Variants in MMP16 observed in about 807,000 individuals in gnomAD.
The protein encoded by MMP16 is matrix metalloproteinase-16.
MMP16 carries 12 observed loss-of-function variants against 67.8 expected under a neutral mutation model. The ratio of observed to expected loss-of-function variants is 0.18; its 90% CI spans 0.11 to 0.29. MMP16 has a LOEUF of 0.29. Among genes scored for constraint, MMP16 ranks in the 10% least tolerant of loss-of-function variants. The probability of loss-of-function intolerance (pLI) is 1.00; values close to 1 mark genes in which losing one functional copy is unlikely to be tolerated. For missense variants in MMP16, 475 were observed against 765.7 expected (o/e 0.62, Z 4.48); for synonymous variants, 249 against 255.9 (o/e 0.97, Z 0.26).
chr8:88,166,026 T>C (rs1463779904), intron 4 of MMP16, among the ~76,000 whole-genome samples: 1 of 152,118 alleles, frequency 6.6e-6, no homozygotes, highest in African/African-American at 2.4e-5. Flanking sequence ...TTGGAAAACA[T>C]GAACAGTTAT....
intron 1 of MMP16, among the ~76,000 whole-genome samples, chr8:88,308,392 G>A (rs765841250): frequency 2.0e-5 from 3 of 152,018 alleles, no homozygotes; most frequent in Non-Finnish European, 4.4e-5. Flanking sequence ...CTTGTCAGTG[G>A]TTTCAGGATC....
intron 1 of MMP16, among the ~76,000 whole-genome samples, chr8:88,321,671 G>A (rs529800826): frequency 6.6e-6 from 1 of 152,200 alleles, no homozygotes; most frequent in Non-Finnish European, 1.5e-5. Flanking sequence ...TTGTGATTCA[G>A]TAGTTACCAA....
chr8:88,084,760 TA>T (rs965775445), intron 6 of MMP16, among the ~76,000 whole-genome samples: 7 of 152,032 alleles, frequency 4.6e-5, no homozygotes, highest in South Asian at 2.1e-4. Flanking sequence ...AGTAAAAAGT[TA>T]AAAAAATACT....
intron 1 of MMP16, among the ~76,000 whole-genome samples, chr8:88,264,015 TTCCC>T (rs1810432871): frequency 7.3e-6 from 1 of 136,758 alleles, no homozygotes; most frequent in Non-Finnish European, 1.6e-5. Flanking sequence ...TGTGTGCAAC[TTCCC>T]TACAAAAATG....
intron 4 of MMP16, among the ~76,000 whole-genome samples, chr8:88,149,315 G>C (rs1172453125): frequency 2.0e-5 from 3 of 152,222 alleles, no homozygotes; most frequent in East Asian, 1.9e-4. Flanking sequence ...GGCTTGCTTA[G>C]GTAAACAAAG....
At chr8:88,273,748 C>A (rs1027247842) in intron 1 of MMP16, among the ~76,000 whole-genome samples, 2 of 152,060 alleles carry the variant, frequency 1.3e-5, no homozygotes, top group Non-Finnish European at 2.9e-5. Context: ...TATTAATAGG[C>A]ATCTTCAAAT....
chr8:88,192,543 T>C (rs890070562), intron 2 of MMP16, among the ~76,000 whole-genome samples: 1 of 152,138 alleles, frequency 6.6e-6, no homozygotes, highest in African/African-American at 2.4e-5. Context: ...TCCTATAATG[T>C]GATAGCGTTT....
At chr8:88,205,930 C>T (rs1809418684) in intron 1 of MMP16, among the ~76,000 whole-genome samples, 1 of 151,802 alleles carries the variant, frequency 6.6e-6, no homozygotes, top group Admixed American at 6.6e-5. Flanking sequence ...TTTCTTTTAC[C>T]TCATCATCGA....
intron 1 of MMP16, among the ~76,000 whole-genome samples, chr8:88,261,034 C>A (rs942358105): frequency 1.3e-5 from 2 of 152,144 alleles, no homozygotes; most frequent in Non-Finnish European, 1.5e-5. Context: ...TTTCAGGCAG[C>A]CTGCCAAAAG....
At chr8:88,141,281 G>C (rs1808206788) in intron 4 of MMP16, among the ~76,000 whole-genome samples, 1 of 152,166 alleles carries the variant, frequency 6.6e-6, no homozygotes, top group Admixed American at 6.5e-5. Context: ...GCAGAAAATA[G>C]CTAGTGAAAA....
chr8:88,119,643 G>A (rs1050596437), intron 4 of MMP16, among the ~76,000 whole-genome samples: 1 of 151,970 alleles, frequency 6.6e-6, no homozygotes, highest in African/African-American at 2.4e-5. Context: ...AATCAACCCC[G>A]TTGATGACTT....
chr8:88,243,562 G>A (rs2129906429), intron 1 of MMP16, among the ~76,000 whole-genome samples: 1 of 152,298 alleles, frequency 6.6e-6, no homozygotes, highest in African/African-American at 2.4e-5. Context: ...AGTAGACTCT[G>A]GAGGAAGGCA....
chr8:88,143,189 A>G (rs1324570839), intron 4 of MMP16, among the ~76,000 whole-genome samples: 2 of 152,106 alleles, frequency 1.3e-5, no homozygotes, highest in East Asian at 3.8e-4. Context: ...GGGTGGTGGT[A>G]CTCAGAGTGG....
intron 7 of MMP16, among the ~76,000 whole-genome samples, chr8:88,072,940 G>A (rs2092681255): frequency 6.6e-6 from 1 of 152,156 alleles, no homozygotes; most frequent in Non-Finnish European, 1.5e-5. Flanking sequence ...TGCCACAAGA[G>A]AGTGAGGAGC....
intron 4 of MMP16, among the ~76,000 whole-genome samples, chr8:88,155,339 G>C (rs903482962): frequency 6.6e-6 from 1 of 151,934 alleles, no homozygotes; most frequent in Non-Finnish European, 1.5e-5. Context: ...TTGCATAGTA[G>C]GGGTAAAAAC....
At chr8:88,286,758 G>A (rs1022967718) in intron 1 of MMP16, among the ~76,000 whole-genome samples, 2 of 151,620 alleles carry the variant, frequency 1.3e-5, no homozygotes, top group African/African-American at 2.4e-5. Context: ...TGTATTTTTA[G>A]TAGAGATGGG....
intron 1 of MMP16, among the ~76,000 whole-genome samples, chr8:88,292,592 T>C (rs181147431): frequency 6.6e-6 from 1 of 152,308 alleles, no homozygotes; most frequent in Non-Finnish European, 1.5e-5. Context: ...ATCATATGAT[T>C]GGGAGAAGCA....
chr8:88,110,535 A>G (rs1445821563), intron 6 of MMP16, among the ~76,000 whole-genome samples: 3 of 151,562 alleles, frequency 2.0e-5, no homozygotes, highest in Non-Finnish European at 3.0e-5. Context: ...ACAACATGCT[A>G]TTAATATTAT....
At chr8:88,260,057 T>C (rs1810362602) in intron 1 of MMP16, among the ~76,000 whole-genome samples, 1 of 152,048 alleles carries the variant, frequency 6.6e-6, no homozygotes. Flanking sequence ...ATTCAAAAAA[T>C]GCACAATATG....
Sources: gnomAD v4.1 joint callset for allele counts (sites outside exome capture counted in the v4.1 genomes callset) on GRCh38, gnomAD v4.1.1 for gene constraint, MANE v1.5 for transcripts, NCBI Gene and HGNC (gene_info 2026-07-23, HGNC 2026-07-21) for gene names.